Variants in CTIF observed in about 807,000 individuals in gnomAD.
CTIF encodes CBP80/20-dependent translation initiation factor.
Under a neutral mutation model 66.0 loss-of-function variants are expected in CTIF, and 21 were observed. The ratio of observed to expected loss-of-function variants is 0.32; its 90% CI spans 0.23 to 0.46. CTIF has a LOEUF of 0.46. CTIF is among the 20% of genes least tolerant of loss of function. The pLI is 1.00. For missense variants in CTIF, 739 were observed against 812.7 expected (o/e 0.91, Z 1.10); for synonymous variants, 345 against 326.4 (o/e 1.06, Z -0.62).
Position 48,859,969 on chromosome 18 carries a change from G to A in CTIF, c.*410G>A. 2.1e-6 allele frequency: 1 copy of A among 467,058 alleles called. No individual in the cohort carries two copies. The highest frequency in any genetic ancestry group is 1.5e-5 in the South Asian group (1 of 64,694). 28.9% of individuals were successfully genotyped at this position (467,058 alleles called of 1,614,324 possible). ...CTTGGGTCAGAAAGGACCTCGGAAG[G>A]CTGAAAAAGTGGGTCGGAGACGGGC... On this transcript the variant is annotated 3_prime_UTR_variant, in exon 12 of 12. Transcript: ENST00000256413.
chr18:48,728,036 C>T (rs867568871), intron 7 of CTIF, among the ~76,000 whole-genome samples: 1 of 152,194 alleles, frequency 6.6e-6, no homozygotes. Flanking sequence ...GCAGCCCCTG[C>T]AGGACCCTGG....
At chr18:48,660,793 G>A (rs780555880) in intron 3 of CTIF, among the ~76,000 whole-genome samples, 12 of 152,214 alleles carry the variant, frequency 7.9e-5, no homozygotes, top group Non-Finnish European at 1.5e-4. Context: ...GGAGATTTAT[G>A]TGCCCATCTG....
chr18:48,714,240 C>T lies in CTIF; in HGVS notation c.584+2545C>T, dbSNP rs567282539. ...TCCATACTTGTGTGCAGCAGGTTCA[C>T]CTTCCTAATATTCTGGGCTTAAACT... On this transcript the variant is annotated intron_variant, in intron 7 of 11. Transcript: ENST00000256413. Among the ~76,000 whole-genome samples the T allele has an allele frequency of 7.7e-4, 117 of 152,276 alleles. 1 individual carries two copies. Among genetic ancestry groups the T allele is most frequent in the African/African-American group, 2.6e-3 (109 of 41,544 alleles).
At chr18:48,603,274 T>C (rs1275028299) in intron 1 of CTIF, among the ~76,000 whole-genome samples, 1 of 143,210 alleles carries the variant, frequency 7.0e-6, no homozygotes, top group Non-Finnish European at 1.5e-5. Flanking sequence ...GCAGGGCAGG[T>C]GGGTGGACCG....
At chr18:48,585,844 T>C (rs2089756184) in intron 1 of CTIF, among the ~76,000 whole-genome samples, 1 of 152,222 alleles carries the variant, frequency 6.6e-6, no homozygotes, top group African/African-American at 2.4e-5. Flanking sequence ...GCACGCCTGC[T>C]ACTCACAGAT....
rs530446215 is a variant in CTIF at position 48,625,450 on chromosome 18, G to A, written c.180+5705G>A. Among the ~76,000 whole-genome samples the A allele has an allele frequency of 3.3e-5, 5 of 152,232 alleles. No homozygotes were observed. The South Asian group carries it at 1.0e-3, about 32-fold the overall frequency. On this transcript the variant is annotated intron_variant, in intron 2 of 11. Transcript: ENST00000256413. ...ATGCATACATTATCATGGTACATAA[G>A]AATTCAAATATTAACAATAAAATCT...
intron 1 of CTIF, among the ~76,000 whole-genome samples, chr18:48,617,285 T>G (rs867413371): frequency 6.6e-6 from 1 of 152,218 alleles, no homozygotes; most frequent in Non-Finnish European, 1.5e-5. Context: ...GATCTCTGGC[T>G]TCTTCTGCTG....
At chr18:48,637,763 C>T (rs1042115708) in intron 3 of CTIF, among the ~76,000 whole-genome samples, 10 of 152,014 alleles carry the variant, frequency 6.6e-5, no homozygotes, top group South Asian at 4.2e-4. Context: ...TGTGCTTGTA[C>T]GTCTTGTTTC....
rs111923907 is a variant in CTIF at position 48,657,821 on chromosome 18, A to G, written c.253-5931A>G. Among the ~76,000 whole-genome samples, 530 of 152,294 alleles carry G rather than the reference A, an allele frequency of 3.5e-3. 4 individuals are homozygous for G. The highest frequency in any genetic ancestry group is 0.012 in the African/African-American group (502 of 41,552). ...GTAGCCTAAAGTGAAATATAACTCCATACATGCTGCTGCTTCGTGTGCCCT... is the reference window on the plus strand; with the variant it reads ...GTAGCCTAAAGTGAAATATAACTCCGTACATGCTGCTGCTTCGTGTGCCCT... On this transcript the variant is annotated intron_variant, in intron 3 of 11. Transcript: ENST00000256413.
intron 1 of CTIF, among the ~76,000 whole-genome samples, chr18:48,554,419 C>T (rs2088966120): frequency 6.6e-6 from 1 of 152,222 alleles, no homozygotes; most frequent in Non-Finnish European, 1.5e-5. Context: ...ACCCAGCGGC[C>T]CTTGTCTGTC....
chr18:48,741,612 A>T (rs959958123), intron 7 of CTIF, among the ~76,000 whole-genome samples: 2 of 151,822 alleles, frequency 1.3e-5, no homozygotes, highest in Non-Finnish European at 2.9e-5. Context: ...TTTAGTAGGG[A>T]TGAGATTTTG....
chr18:48,689,022 C>T (rs112920949), intron 6 of CTIF, among the ~76,000 whole-genome samples: 1 of 152,228 alleles, frequency 6.6e-6, no homozygotes, highest in Non-Finnish European at 1.5e-5. Context: ...CCCGCCATGC[C>T]GGGGCACAGA....
intron 6 of CTIF, among the ~76,000 whole-genome samples, chr18:48,695,764 G>C (rs1189946685): frequency 2.6e-5 from 4 of 152,184 alleles, no homozygotes; most frequent in Non-Finnish European, 5.9e-5. Flanking sequence ...ACATCATTTG[G>C]CTCCTTCTAT....
chr18:48,589,982 C>T (rs2089854902), intron 1 of CTIF, among the ~76,000 whole-genome samples: 1 of 152,254 alleles, frequency 6.6e-6, no homozygotes, highest in Non-Finnish European at 1.5e-5. Flanking sequence ...AGGCCTGCCC[C>T]TGCTTTCCTT....
At chr18:48,789,909 C>T (rs2067755460) in intron 9 of CTIF, among the ~76,000 whole-genome samples, 1 of 152,182 alleles carries the variant, frequency 6.6e-6, no homozygotes, top group Admixed American at 6.5e-5. Context: ...TAGAGCCTGG[C>T]CCCTGGCTTT....
intron 10 of CTIF, among the ~76,000 whole-genome samples, chr18:48,857,346 A>T (rs1243688525): frequency 6.6e-6 from 1 of 152,234 alleles, no homozygotes; most frequent in Non-Finnish European, 1.5e-5. Flanking sequence ...GGGGCTCCAC[A>T]TCGCACCATC....
At chr18:48,776,224 G>C (rs1910657823) in intron 9 of CTIF, among the ~76,000 whole-genome samples, 1 of 152,222 alleles carries the variant, frequency 6.6e-6, no homozygotes, top group African/African-American at 2.4e-5. Flanking sequence ...TGTAGGAGAG[G>C]GTAGGGATGC....
chr18:48,589,722 A>G (rs2089848688), intron 1 of CTIF, among the ~76,000 whole-genome samples: 1 of 152,180 alleles, frequency 6.6e-6, no homozygotes, highest in Non-Finnish European at 1.5e-5. Context: ...TAAGACCTGT[A>G]TCATTAATAA....
At position 48,761,379 on chromosome 18, in the gene CTIF, G is replaced by A. The variant is rs375114552; in HGVS notation, c.1072-11G>A. 3.2e-5 allele frequency: 52 copies of A among 1,609,364 alleles called. No homozygotes were observed. Among genetic ancestry groups the A allele is most frequent in the Middle Eastern group, 1.6e-4 (1 of 6,068 alleles). ...CACTCAGGCACATTCATTTGTCTCCGACACCCCCAGGATGAAGTGGCCGTG... is the reference window on the plus strand; with the variant it reads ...CACTCAGGCACATTCATTTGTCTCCAACACCCCCAGGATGAAGTGGCCGTG... On this transcript the variant is annotated splice_polypyrimidine_tract_variant and intron_variant, in intron 8 of 11. Coordinates refer to ENST00000256413, the MANE Select transcript of CTIF (RefSeq NM_014772.3). The surrounding 1 kb of genome is among the most constrained non-coding windows in gnomAD (Gnocchi z 4.2).
Sources: allele counts gnomAD v4.1 joint callset (sites outside exome capture counted in the v4.1 genomes callset), GRCh38; gene constraint gnomAD v4.1.1; non-coding constraint Gnocchi (gnomAD v3.1); transcripts MANE v1.5; gene names NCBI Gene and HGNC (gene_info 2026-07-23, HGNC 2026-07-21).